The following CSNK1G3 variants were observed in gnomAD, a reference collection of about 807,000 sequenced individuals.
The protein encoded by CSNK1G3 is casein kinase I isoform gamma-3.
CSNK1G3 carries 23 observed loss-of-function variants against 64.3 expected under a neutral mutation model. The ratio of observed to expected loss-of-function variants is 0.36; its 90% CI spans 0.26 to 0.51. The LOEUF (loss-of-function observed/expected upper bound fraction) is 0.51. Among genes scored for constraint, CSNK1G3 ranks in the 20% least tolerant of loss-of-function variants. The pLI is 0.96. For synonymous variants in CSNK1G3, 158 were observed against 162.2 expected, an observed-to-expected ratio of 0.97 and a Z score of 0.20; for missense variants, 357 against 510.5, an observed-to-expected ratio of 0.70 and a Z score of 2.90.
intron 10 of CSNK1G3, among the ~76,000 whole-genome samples, chr5:123,594,641 C>T (rs914749454): frequency 1.3e-5 from 2 of 152,044 alleles, no homozygotes; most frequent in Non-Finnish European, 2.9e-5. Flanking sequence ...ATCAGAAAAC[C>T]AGTGATGACA....
chr5:123,591,212 A>G (rs1792283668), intron 9 of CSNK1G3, 107 bp from the exon 10 acceptor site: 1 of 567,066 alleles, frequency 1.8e-6, no homozygotes, highest in African/African-American at 2.0e-5. Flanking sequence ...GCCTTAGTTT[A>G]TTTAACAGTC....
At chr5:123,585,219 A>G (rs929534595) in intron 6 of CSNK1G3, among the ~76,000 whole-genome samples, 3 of 152,158 alleles carry the variant, frequency 2.0e-5, no homozygotes, top group African/African-American at 7.2e-5. Flanking sequence ...GGGAAAGGAT[A>G]GTTTTGCCAA....
chr5:123,526,263 G>C (rs1413759626), intron 1 of CSNK1G3, among the ~76,000 whole-genome samples: 1 of 151,802 alleles, frequency 6.6e-6, no homozygotes, highest in Non-Finnish European at 1.5e-5. Flanking sequence ...TTGGTATATT[G>C]CCCAGGCTGG....
chr5:123,538,364 A>C (rs1781165919), intron 1 of CSNK1G3, among the ~76,000 whole-genome samples: 1 of 152,178 alleles, frequency 6.6e-6, no homozygotes, highest in African/African-American at 2.4e-5. Context: ...AATGTTAGCT[A>C]TTTTAATGGG....
At chr5:123,527,880 T>C (rs1489941542) in intron 1 of CSNK1G3, among the ~76,000 whole-genome samples, 1 of 152,194 alleles carries the variant, frequency 6.6e-6, no homozygotes, top group Non-Finnish European at 1.5e-5. Context: ...AGTACTGTTT[T>C]CTCCGTGTTT....
At chr5:123,590,324 A>G (rs1029793914) in intron 8 of CSNK1G3, 86 bp from the exon 9 acceptor site, 6 of 568,972 alleles carry the variant, frequency 1.1e-5, no homozygotes, top group Non-Finnish European at 1.6e-5. Flanking sequence ...GTGTTTTTAT[A>G]TAATACAATG....
chr5:123,567,776 A>C (rs1787219162), intron 4 of CSNK1G3, among the ~76,000 whole-genome samples: 1 of 152,224 alleles, frequency 6.6e-6, no homozygotes, highest in South Asian at 2.1e-4. Context: ...TGGTGCAAAC[A>C]TAATTGCAGT....
At chr5:123,516,960 CTGT>C (rs1337375117) in intron 1 of CSNK1G3, among the ~76,000 whole-genome samples, 1 of 152,146 alleles carries the variant, frequency 6.6e-6, no homozygotes, top group East Asian at 1.9e-4. Context: ...GAGAGTTACC[CTGT>C]TATTCTGCCA....
intron 1 of CSNK1G3, among the ~76,000 whole-genome samples, chr5:123,542,521 C>G (rs575668354): frequency 1.2e-4 from 18 of 152,180 alleles, no homozygotes; most frequent in African/African-American, 4.3e-4. Context: ...AAAAGCATTT[C>G]TTGTTGTGCA....
At chr5:123,566,397 T>C (rs1403662401) in intron 4 of CSNK1G3, among the ~76,000 whole-genome samples, 1 of 152,216 alleles carries the variant, frequency 6.6e-6, no homozygotes, top group African/African-American at 2.4e-5. Flanking sequence ...GATAGCTTTT[T>C]ATATTAGTAT....
intron 6 of CSNK1G3, among the ~76,000 whole-genome samples, chr5:123,586,494 T>A (rs1791352914): frequency 6.6e-6 from 1 of 152,222 alleles, no homozygotes; most frequent in African/African-American, 2.4e-5. Flanking sequence ...GGCCACTACT[T>A]ATTTTGGAAA....
At chr5:123,604,897 G>T (rs1795086796) in intron 11 of CSNK1G3, 67 bp downstream of exon 12, 3 of 1,211,882 alleles carry the variant, frequency 2.5e-6, no homozygotes, top group Non-Finnish European at 3.5e-6. Context: ...GAGATTTATA[G>T]TTACATACAA....
chr5:123,604,923 T>C (rs1221269896), intron 11 of CSNK1G3, 93 bp downstream of exon 12: 1 of 981,934 alleles, frequency 1.0e-6, no homozygotes, highest in African/African-American at 1.6e-5. Context: ...TCAGGAAATT[T>C]TTTTCAGGGA....
rs539973381 is a variant in CSNK1G3, at chr5:123,569,232, G to A, written c.290-4161G>A. Among the ~76,000 whole-genome samples the A allele has an allele frequency of 5.9e-5, 9 of 152,248 alleles. No individual in the cohort carries two copies. In the South Asian group the frequency reaches 1.9e-3, roughly 32 times the overall value. On this transcript the variant is annotated intron_variant, in intron 4 of 12. Coordinates refer to ENST00000345990, the Ensembl canonical transcript of CSNK1G3. The stretch of plus-strand genomic sequence containing the variant: ...ATTTTCCTTCAAAAACAAAAGGATA[G>A]GGTAATTTTCCTCCAAAAATGTGCT...
intron 1 of CSNK1G3, among the ~76,000 whole-genome samples, chr5:123,514,214 G>A (rs972933562): frequency 1.3e-5 from 2 of 151,980 alleles, no homozygotes; most frequent in Admixed American, 6.6e-5. Flanking sequence ...ACATTTTTTT[G>A]GGGATCTTGA....
At chr5:123,563,192 A>G (rs1786126753) in intron 4 of CSNK1G3, among the ~76,000 whole-genome samples, 1 of 152,034 alleles carries the variant, frequency 6.6e-6, no homozygotes, top group South Asian at 2.1e-4. Context: ...TCTGTCATAA[A>G]TTATTCTTGG....
At chr5:123,525,584 C>G (rs1778910274) in intron 1 of CSNK1G3, among the ~76,000 whole-genome samples, 1 of 152,062 alleles carries the variant, frequency 6.6e-6, no homozygotes, top group Non-Finnish European at 1.5e-5. Context: ...CGTGAGGCAC[C>G]ATGCCTGGCA....
chr5:123,525,716 G>T (rs1431738600), intron 1 of CSNK1G3, among the ~76,000 whole-genome samples: 2 of 152,046 alleles, frequency 1.3e-5, no homozygotes, highest in African/African-American at 2.4e-5. Flanking sequence ...AATACTGGCT[G>T]GGCGCGGTGG....
At chr5:123,529,885 T>C (rs903132271) in intron 1 of CSNK1G3, among the ~76,000 whole-genome samples, 1 of 152,002 alleles carries the variant, frequency 6.6e-6, no homozygotes, top group Non-Finnish European at 1.5e-5. Flanking sequence ...CATACTTACA[T>C]GAGCACTTTG....
Sources: gnomAD v4.1 joint callset for allele counts (sites outside exome capture counted in the v4.1 genomes callset) on GRCh38, gnomAD v4.1.1 for gene constraint, MANE v1.5 for transcripts, NCBI Gene and HGNC (gene_info 2026-07-23, HGNC 2026-07-21) for gene names.